GSK3B: variants seen among roughly 807,000 people sequenced by gnomAD.
GSK3B encodes the protein glycogen synthase kinase 3 beta.
A neutral mutation model predicts 56.4 loss-of-function variants in GSK3B; 15 were observed. The observed-to-expected ratio is 0.27, with a 90% CI of 0.18 to 0.41. The LOEUF is 0.41. Ranked by LOEUF, GSK3B falls within the 10% of genes least tolerant of loss-of-function variation. GSK3B has a pLI of 1.00. For synonymous variants in GSK3B, 181 were observed against 188.9 expected, an observed-to-expected ratio of 0.96 and a Z score of 0.34; for missense variants, 300 against 513.4, an observed-to-expected ratio of 0.58 and a Z score of 4.02.
At chr3:119,970,809 A>AC (rs898832869) in intron 2 of GSK3B, among the ~76,000 whole-genome samples, 7 of 151,454 alleles carry the variant, frequency 4.6e-5, no homozygotes, top group South Asian at 4.2e-4. Flanking sequence ...AAACAAACAA[A>AC]AAAAACAAAA....
chr3:119,861,218 G>A (rs919161015), intron 9 of GSK3B, among the ~76,000 whole-genome samples: 19 of 151,986 alleles, frequency 1.3e-4, no homozygotes, highest in African/African-American at 4.6e-4. Context: ...CAAATAGAAT[G>A]GCATCATCAA....
chr3:119,876,648 T>C (rs2056317468), intron 7 of GSK3B, 140 bp from the exon 8 acceptor site: 2 of 614,696 alleles, frequency 3.3e-6, no homozygotes, highest in South Asian at 2.0e-5. Context: ...AGCAGTGCCA[T>C]GATTTGAATA....
intron 9 of GSK3B, among the ~76,000 whole-genome samples, chr3:119,862,039 C>G (rs1165458424): frequency 9.9e-5 from 15 of 151,732 alleles, no homozygotes. Flanking sequence ...ATATTTATAT[C>G]TAATGTGCTG....
chr3:119,973,436 G>A (rs570353013), intron 2 of GSK3B, among the ~76,000 whole-genome samples: 46 of 152,182 alleles, frequency 3.0e-4, no homozygotes, highest in Non-Finnish European at 5.7e-4. Flanking sequence ...TGCTCTTGAC[G>A]TCTAACCATG....
At chr3:119,897,561 A>C (rs2056581264) in intron 7 of GSK3B, among the ~76,000 whole-genome samples, 1 of 151,974 alleles carries the variant, frequency 6.6e-6, no homozygotes, top group Non-Finnish European at 1.5e-5. Flanking sequence ...AAAGTTGCAT[A>C]CAAACTGTTT....
chr3:119,900,631 A>G (rs1440233162), intron 7 of GSK3B, among the ~76,000 whole-genome samples: 1 of 152,150 alleles, frequency 6.6e-6, no homozygotes, highest in African/African-American at 2.4e-5. Flanking sequence ...TTATGTAAGA[A>G]AGTTAATAAT....
At position 119,824,642 on chromosome 3, in the gene GSK3B, T is replaced by C. The variant is rs1366699808; in HGVS notation, c.*2146A>G. On this transcript the variant is annotated 3_prime_UTR_variant, in exon 11 of 11. Transcript: ENST00000264235. ...TAAGGAGTTATGCTGCCAAATACTTTGATTTCAGACTTCTTTCAAATCTTA... is the reference window on the plus strand; with the variant it reads ...TAAGGAGTTATGCTGCCAAATACTTCGATTTCAGACTTCTTTCAAATCTTA... 5.0e-6 allele frequency: 1 copy of C among 199,262 alleles called. No individual in the cohort carries two copies. The highest frequency in any genetic ancestry group is 6.1e-5 in the Admixed American group (1 of 16,516). 12.3% of individuals were successfully genotyped at this position (199,262 alleles called of 1,614,324 possible). A position where few individuals can be genotyped will look rare whatever the true frequency, so the allele number is the denominator to read the frequency against.
chr3:120,072,000 G>A (rs958942105), intron 1 of GSK3B, among the ~76,000 whole-genome samples: 1 of 152,164 alleles, frequency 6.6e-6, no homozygotes, highest in African/African-American at 2.4e-5. Flanking sequence ...AAAGGAAAGG[G>A]AGAGAAAAGT....
Position 119,874,701 on chromosome 3 carries a change from T to C in GSK3B, c.909+1712A>G, listed in dbSNP as rs147676643. ...CCTTTCCTCATAAAAATAACATTAT[T>C]ATTAAAGAAAATATGAAAGTTTGAA... On this transcript the variant is annotated intron_variant, in intron 8 of 10. Coordinates refer to ENST00000264235, the MANE Select transcript of GSK3B (RefSeq NM_001146156.2). 4.2e-3 allele frequency among the ~76,000 whole-genome samples: 642 copies of C among 152,064 alleles called. 1 individual carries two copies. The highest frequency in any genetic ancestry group is 0.015 in the African/African-American group (607 of 41,530).
intron 1 of GSK3B, among the ~76,000 whole-genome samples, chr3:120,081,408 G>A (rs754786535): frequency 3.8e-4 from 58 of 152,078 alleles, no homozygotes; most frequent in African/African-American, 5.1e-4. Context: ...CTAGCTGGGC[G>A]TGGTGGTGCA....
chr3:119,917,667 T>G (rs2056795012), intron 4 of GSK3B, among the ~76,000 whole-genome samples: 1 of 146,662 alleles, frequency 6.8e-6, no homozygotes, highest in African/African-American at 2.6e-5. Context: ...TTCTTTTTTT[T>G]TTTTAAAAAA....
At chr3:119,878,033 C>A (rs1159284931) in intron 7 of GSK3B, among the ~76,000 whole-genome samples, 1 of 152,112 alleles carries the variant, frequency 6.6e-6, no homozygotes, top group African/African-American at 2.4e-5. Context: ...AGTGAATAAT[C>A]AGGCATAATT....
chr3:120,083,550 T>C (rs1224443548), intron 1 of GSK3B, among the ~76,000 whole-genome samples: 1 of 151,904 alleles, frequency 6.6e-6, no homozygotes, highest in Non-Finnish European at 1.5e-5. Context: ...TCTAAAAAGA[T>C]TAAAAGCAAA....
Position 119,843,325 on chromosome 3 carries a change from G to A in GSK3B, c.1125C>T (p.Thr375=). ...TCCGAGCATGAGGAGGAATAAGGAT[G>A]GTAGCCAGAGGTGGATTACTTGACA... is the stretch of plus-strand genomic sequence containing the variant. The part of the protein sequence containing the change: ...QELSSNPPLA[T]ILIPPHARIQ... The change falls in exon 10 of 11, where the codon ACC becomes ACT. Residue 375 remains threonine, a synonymous_variant. Coordinates refer to ENST00000264235, the MANE Select transcript of GSK3B (RefSeq NM_001146156.2). 6.2e-7 allele frequency: 1 copy of A among 1,608,896 alleles called. No homozygotes were observed. The highest frequency in any genetic ancestry group is 8.5e-7 in the Non-Finnish European group (1 of 1,175,898).
intron 2 of GSK3B, among the ~76,000 whole-genome samples, chr3:119,986,982 A>C (rs990122435): frequency 1.3e-5 from 2 of 152,226 alleles, no homozygotes; most frequent in Non-Finnish European, 2.9e-5. Flanking sequence ...TACAGCATGG[A>C]ATACTATGCA....
At chr3:119,843,420 G>GT in intron 9 of GSK3B, 67 bp from the exon 10 acceptor site, 1 of 844,310 alleles carries the variant, frequency 1.2e-6, no homozygotes, top group Non-Finnish European at 1.9e-6. Context: ...TATTTTATTG[G>GT]TAAGAGTGAA....
chr3:119,906,733 C>T (rs1456657914), intron 6 of GSK3B, among the ~76,000 whole-genome samples: 1 of 151,990 alleles, frequency 6.6e-6, no homozygotes, highest in East Asian at 1.9e-4. Flanking sequence ...TTTTAATGTA[C>T]CAACACTCAA....
intron 1 of GSK3B, among the ~76,000 whole-genome samples, chr3:120,044,269 G>C (rs2107534938): frequency 6.6e-6 from 1 of 152,244 alleles, no homozygotes; most frequent in Middle Eastern, 3.4e-3. Flanking sequence ...TCACGGAATG[G>C]GAAAAACTTG....
intron 8 of GSK3B, among the ~76,000 whole-genome samples, chr3:119,874,694 AC>A (rs61422579): frequency 0.46 from 69,632 of 151,748 alleles, 19,555 homozygotes; most frequent in Non-Finnish European, 0.61. Flanking sequence ...CATAAAAATA[AC>A]ATTATTATTA....
Sources: gnomAD v4.1 joint callset for allele counts (sites outside exome capture counted in the v4.1 genomes callset) on GRCh38, gnomAD v4.1.1 for gene constraint, MANE v1.5 for transcripts, NCBI Gene and HGNC (gene_info 2026-07-23, HGNC 2026-07-21) for gene names.